NFATC2: variants seen among roughly 807,000 people sequenced by gnomAD.
The protein encoded by NFATC2 is nuclear factor of activated T cells 2, also known as nuclear factor of activated T-cells, cytoplasmic 2.
Under a neutral mutation model 87.3 loss-of-function variants are expected in NFATC2, and 22 were observed. The ratio of observed to expected loss-of-function variants is 0.25; its 90% confidence interval spans 0.18 to 0.36. The LOEUF (loss-of-function observed/expected upper bound fraction) is 0.36. Ranked by LOEUF, NFATC2 falls within the 10% of genes least tolerant of loss-of-function variation. NFATC2 has a pLI of 1.00. For missense variants in NFATC2, 1,149 were observed against 1,259.1 expected, an observed-to-expected ratio of 0.91 and a Z score of 1.32; for synonymous variants, 565 against 542.2, an observed-to-expected ratio of 1.04 and a Z score of -0.58.
chr20:51,540,667 T>TTTTTTTTTTTTTTTTTTTTTTTTG (rs1555818370), intron 1 of NFATC2, among the ~76,000 whole-genome samples: 1 of 147,232 alleles, frequency 6.8e-6, no homozygotes, highest in Non-Finnish European at 1.5e-5. Flanking sequence ...TGTTTTTTTT[T>TTTTTTTTTTTTTTTTTTTTTTTTG]TTTTGAGAAA....
At chr20:51,397,661 G>A (rs1365388459) in intron 10 of NFATC2, among the ~76,000 whole-genome samples, 5 of 152,146 alleles carry the variant, frequency 3.3e-5, no homozygotes, top group African/African-American at 9.7e-5. Context: ...CCTGAGGAGG[G>A]ACAGTGGCAG....
intron 3 of NFATC2, among the ~76,000 whole-genome samples, chr20:51,502,326 C>G (rs1046524422): frequency 1.3e-5 from 2 of 152,146 alleles, no homozygotes; most frequent in African/African-American, 4.8e-5. Flanking sequence ...TTTATCTTTA[C>G]TGTTTGGGGT....
At position 51,419,226 on chromosome 20, in the gene NFATC2, C is replaced by A. The variant is rs1362013873; in HGVS notation, c.2722+12841G>T. On this transcript the variant is annotated intron_variant, in intron 9 of 10. Coordinates refer to ENST00000371564, the MANE Select transcript of NFATC2 (RefSeq NM_012340.5). ...GATCATATCTATCCTGCACAAAGAC[C>A]CCAAATCCATTCTCCTGTCTTCCAC... is the stretch of plus-strand genomic sequence containing the variant. Among the ~76,000 whole-genome samples the A allele has an allele frequency of 2.6e-5, 4 of 152,250 alleles. No homozygotes were observed. The South Asian group carries it at 8.3e-4, about 32-fold the overall frequency.
At chr20:51,532,135 C>A (rs1388994078) in intron 1 of NFATC2, among the ~76,000 whole-genome samples, 1 of 152,090 alleles carries the variant, frequency 6.6e-6, no homozygotes, top group East Asian at 1.9e-4. Context: ...TACTTTATAT[C>A]GAGAACTGTA....
chr20:51,418,392 A>G (rs1980340999), intron 9 of NFATC2, among the ~76,000 whole-genome samples: 1 of 152,236 alleles, frequency 6.6e-6, no homozygotes, highest in Admixed American at 6.5e-5. Context: ...TGCTACTGGC[A>G]TCCGGTGCAT....
At chr20:51,546,065 G>A (rs2076887315), upstream of NFATC2, among the ~76,000 whole-genome samples, 1 of 152,170 alleles carries the variant, frequency 6.6e-6, no homozygotes, top group Non-Finnish European at 1.5e-5. Flanking sequence ...TTCCTCTTCA[G>A]ATACCCAATG....
chr20:51,442,371 G>A (rs1431699637), intron 6 of NFATC2, among the ~76,000 whole-genome samples: 2 of 152,198 alleles, frequency 1.3e-5, no homozygotes, highest in Non-Finnish European at 2.9e-5. Context: ...GGTAGAGGTT[G>A]CAGTAAGCTG....
intron 2 of NFATC2, among the ~76,000 whole-genome samples, chr20:51,521,532 G>A (rs2146712527): frequency 6.6e-6 from 1 of 152,324 alleles, no homozygotes; most frequent in East Asian, 1.9e-4. Flanking sequence ...TGTTGGCAAG[G>A]CTGGTCTTGA....
chr20:51,398,148 G>A (rs567111317), intron 10 of NFATC2, among the ~76,000 whole-genome samples: 10 of 149,986 alleles, frequency 6.7e-5, no homozygotes, highest in African/African-American at 2.5e-4. Context: ...GAAGCCCCCC[G>A]GGAGGAGCTG....
At chr20:51,492,724 G>A (rs1040570499) in intron 3 of NFATC2, among the ~76,000 whole-genome samples, 5 of 152,250 alleles carry the variant, frequency 3.3e-5, no homozygotes, top group African/African-American at 9.6e-5. Context: ...CATGCCAGGC[G>A]ACTTGGAAGA....
At chr20:51,475,694 G>A (rs374847020) in intron 3 of NFATC2, 34 bp from the exon 4 acceptor site, 16 of 1,604,670 alleles carry the variant, frequency 1.0e-5, no homozygotes, top group South Asian at 6.6e-5. Flanking sequence ...ATTAAGGTGC[G>A]GGGTGTGGTG....
At chr20:51,405,488 A>G (rs1988471407) in intron 9 of NFATC2, among the ~76,000 whole-genome samples, 1 of 152,180 alleles carries the variant, frequency 6.6e-6, no homozygotes, top group Non-Finnish European at 1.5e-5. Flanking sequence ...TGTTCGTAGA[A>G]GCTTGGCATC....
chr20:51,415,227 C>T (rs1294153704), intron 9 of NFATC2, among the ~76,000 whole-genome samples: 1 of 134,142 alleles, frequency 7.5e-6, no homozygotes, highest in African/African-American at 2.8e-5. Context: ...GCCTGAGTGA[C>T]AGAGTAAGAC....
intron 3 of NFATC2, among the ~76,000 whole-genome samples, chr20:51,497,005 C>T (rs867158151): frequency 6.6e-6 from 1 of 152,212 alleles, no homozygotes; most frequent in Non-Finnish European, 1.5e-5. Flanking sequence ...CTCCATTCTC[C>T]GCAGCTTAAT....
At chr20:51,545,770 G>A (rs371042482), upstream of NFATC2, among the ~76,000 whole-genome samples, 1 of 152,034 alleles carries the variant, frequency 6.6e-6, no homozygotes, top group East Asian at 1.9e-4. Flanking sequence ...TGGATGGAGG[G>A]TGGATGGACG....
chr20:51,473,824 T>C (rs1988457260), intron 5 of NFATC2, among the ~76,000 whole-genome samples, 156 bp downstream of exon 5: 1 of 152,238 alleles, frequency 6.6e-6, no homozygotes, highest in Non-Finnish European at 1.5e-5. Context: ...GCTCTGTCTC[T>C]GTCCCCTCTG....
upstream of NFATC2, among the ~76,000 whole-genome samples, chr20:51,546,555 C>T (rs1298476070): frequency 1.3e-5 from 2 of 152,248 alleles, no homozygotes; most frequent in South Asian, 2.1e-4. Context: ...CTCCTTTGGA[C>T]ACCCTGGCCT....
At chr20:51,456,076 ATGGGTGGAAGGGTGGGTGTGTGGATGGG>A (rs1374157855) in intron 5 of NFATC2, among the ~76,000 whole-genome samples, 1 of 50,116 alleles carries the variant, frequency 2.0e-5, no homozygotes, top group African/African-American at 8.4e-5. Flanking sequence ...GGGTGGATGG[ATGGGTGGAAGGGTGGGTGTGTGGATGGG>A]TGGGTGGGTG....
chr20:51,499,160 G>T (rs1048133336), intron 3 of NFATC2, among the ~76,000 whole-genome samples: 1 of 152,206 alleles, frequency 6.6e-6, no homozygotes, highest in South Asian at 2.1e-4. Flanking sequence ...CAGAATGGGG[G>T]TGGTGTAGAC....
Sources: allele counts gnomAD v4.1 joint callset (sites outside exome capture counted in the v4.1 genomes callset), GRCh38; gene constraint gnomAD v4.1.1; transcripts MANE v1.5; gene names NCBI Gene and HGNC (gene_info 2026-07-23, HGNC 2026-07-21).